The following FRMD4A variants were observed in gnomAD, a reference collection of about 807,000 sequenced individuals.
FRMD4A encodes the protein FERM domain containing 4A.
Under a neutral mutation model 129.1 loss-of-function variants are expected in FRMD4A, and 29 were observed. The observed-to-expected ratio is 0.22, with a 90% CI of 0.17 to 0.31. The LOEUF (loss-of-function observed/expected upper bound fraction) is 0.31. Among genes scored for constraint, FRMD4A ranks in the 10% least tolerant of loss-of-function variants. FRMD4A has a pLI of 1.00. For missense variants in FRMD4A, 1,272 were observed against 1,375.8 expected, an observed-to-expected ratio of 0.92 and a Z score of 1.19; for synonymous variants, 634 against 571.6, an observed-to-expected ratio of 1.11 and a Z score of -1.56.
intron 2 of FRMD4A, among the ~76,000 whole-genome samples, chr10:14,027,774 T>G (rs570003422): frequency 4.5e-4 from 68 of 152,374 alleles, no homozygotes; most frequent in African/African-American, 1.6e-3. Flanking sequence ...AAGAATGTAT[T>G]CAGAACATCC....
At chr10:14,129,428 C>T (rs906173712) in intron 2 of FRMD4A, among the ~76,000 whole-genome samples, 11 of 125,780 alleles carry the variant, frequency 8.7e-5, no homozygotes, top group Non-Finnish European at 1.6e-4. Flanking sequence ...AGCTGTAGAA[C>T]ATACTTAGAA....
At chr10:14,176,947 C>T (rs1002735816) in intron 2 of FRMD4A, among the ~76,000 whole-genome samples, 1 of 152,208 alleles carries the variant, frequency 6.6e-6, no homozygotes, top group Middle Eastern at 3.2e-3. Flanking sequence ...GACTTGTTAT[C>T]CCACTCACTG....
At chr10:14,239,323 T>A (rs897627746) in intron 2 of FRMD4A, among the ~76,000 whole-genome samples, 2 of 152,206 alleles carry the variant, frequency 1.3e-5, no homozygotes, top group Non-Finnish European at 2.9e-5. Flanking sequence ...TTGAGAATTG[T>A]TCTTTTAAAA....
intron 2 of FRMD4A, among the ~76,000 whole-genome samples, chr10:13,876,619 A>G (rs924321779): frequency 1.1e-4 from 17 of 152,114 alleles, no homozygotes; most frequent in African/African-American, 3.9e-4. Flanking sequence ...TTTAAATGAA[A>G]TTTTAAAAAA....
chr10:13,844,691 C>A (rs185475893), intron 3 of FRMD4A, among the ~76,000 whole-genome samples: 1 of 152,216 alleles, frequency 6.6e-6, no homozygotes, highest in African/African-American at 2.4e-5. Context: ...TGAAGTGGCA[C>A]TTTGGCATTT....
intron 2 of FRMD4A, among the ~76,000 whole-genome samples, chr10:14,180,026 A>C (rs2131898915): frequency 6.6e-6 from 1 of 152,284 alleles, no homozygotes; most frequent in East Asian, 1.9e-4. Flanking sequence ...AGAGAGCAAG[A>C]ATCCATCAAA....
intron 15 of FRMD4A, among the ~76,000 whole-genome samples, chr10:13,679,152 G>A (rs528711480): frequency 5.3e-5 from 8 of 151,718 alleles, no homozygotes; most frequent in Non-Finnish European, 7.4e-5. Context: ...GGCTGGGCGC[G>A]GTGGCTCACG....
intron 2 of FRMD4A, among the ~76,000 whole-genome samples, chr10:13,861,701 G>A (rs2094297352): frequency 6.6e-6 from 1 of 152,192 alleles, no homozygotes; most frequent in Admixed American, 6.5e-5. Context: ...CCTAACTTCA[G>A]GTGTTAATTG....
chr10:14,101,680 C>A (rs753195745), intron 2 of FRMD4A, among the ~76,000 whole-genome samples: 1 of 152,118 alleles, frequency 6.6e-6, no homozygotes, highest in South Asian at 2.1e-4. Context: ...TTTATGGTCA[C>A]CATCTCCATG....
At chr10:13,961,053 AC>A (rs1244003698) in intron 2 of FRMD4A, among the ~76,000 whole-genome samples, 1 of 152,082 alleles carries the variant, frequency 6.6e-6, no homozygotes, top group Non-Finnish European at 1.5e-5. Flanking sequence ...TTAATTGATG[AC>A]CCCTATAATA....
intron 3 of FRMD4A, among the ~76,000 whole-genome samples, chr10:13,838,177 C>A (rs770359653): frequency 6.6e-6 from 1 of 152,026 alleles, no homozygotes; most frequent in African/African-American, 2.4e-5. Flanking sequence ...AAGCCTCTAC[C>A]TCCTGGGCTC....
In FRMD4A at chr10:13,976,011, G is replaced by C. The variant is rs974483777; in HGVS notation, c.46-117099C>G. On this transcript the variant is annotated intron_variant, in intron 2 of 24. Coordinates refer to ENST00000357447, the MANE Select transcript of FRMD4A (RefSeq NM_018027.5). ...TAGACAGTTGATCGCAAAACCTAAA[G>C]GGTAATGGACGAGGACAGAGTGACC... 2.6e-5 allele frequency among the ~76,000 whole-genome samples: 4 copies of C among 152,190 alleles called. No individual in the cohort carries two copies. In the South Asian group the frequency reaches 8.3e-4, roughly 32 times the overall value.
At chr10:13,711,660 T>C (rs2088034735) in intron 12 of FRMD4A, among the ~76,000 whole-genome samples, 1 of 152,232 alleles carries the variant, frequency 6.6e-6, no homozygotes, top group Non-Finnish European at 1.5e-5. Context: ...AAAGAATGTA[T>C]TAATTCATAC....
intron 2 of FRMD4A, among the ~76,000 whole-genome samples, chr10:13,978,617 T>C (rs2095550223): frequency 1.3e-5 from 2 of 152,288 alleles, no homozygotes; most frequent in African/African-American, 4.8e-5. Flanking sequence ...TCAGGATTGC[T>C]AACTCACACA....
chr10:14,023,473 C>T (rs959769332), intron 2 of FRMD4A, among the ~76,000 whole-genome samples: 1 of 152,198 alleles, frequency 6.6e-6, no homozygotes, highest in Non-Finnish European at 1.5e-5. Flanking sequence ...CGCAGACTGG[C>T]GGGTCCTGGA....
intron 2 of FRMD4A, among the ~76,000 whole-genome samples, chr10:14,166,944 G>C (rs1841212851): frequency 6.6e-6 from 1 of 152,142 alleles, no homozygotes; most frequent in Non-Finnish European, 1.5e-5. Flanking sequence ...TCTGTACCAT[G>C]CTATGTACTA....
chr10:13,794,670 A>C (rs1014197307), intron 5 of FRMD4A, among the ~76,000 whole-genome samples: 2 of 152,206 alleles, frequency 1.3e-5, no homozygotes, highest in Non-Finnish European at 2.9e-5. Flanking sequence ...TGGCGTGTAT[A>C]AAGACATAGT....
intron 2 of FRMD4A, among the ~76,000 whole-genome samples, chr10:13,926,315 G>C (rs2095133315): frequency 6.6e-6 from 1 of 152,192 alleles, no homozygotes; most frequent in African/African-American, 2.4e-5. Context: ...CCAGATAGTT[G>C]AGATTTTACT....
intron 2 of FRMD4A, among the ~76,000 whole-genome samples, chr10:13,956,622 G>A (rs533178937): frequency 1.3e-5 from 2 of 152,328 alleles, no homozygotes; most frequent in Admixed American, 1.3e-4. Context: ...GGCTCATCTT[G>A]TGTACGCCAT....
Sources: gnomAD v4.1 joint callset for allele counts (sites outside exome capture counted in the v4.1 genomes callset) on GRCh38, gnomAD v4.1.1 for gene constraint, MANE v1.5 for transcripts, NCBI Gene and HGNC (gene_info 2026-07-23, HGNC 2026-07-21) for gene names.